Variants in TLL1 observed in about 807,000 individuals in gnomAD.
The protein encoded by TLL1 is tolloid like 1.
Under a neutral mutation model 128.2 loss-of-function variants are expected in TLL1, and 49 were observed. The observed-to-expected ratio is 0.38, with a 90% CI of 0.30 to 0.48. The LOEUF (loss-of-function observed/expected upper bound fraction) is 0.48, where lower values mean the gene tolerates loss of function less well. TLL1 is among the 20% of genes least tolerant of loss of function. TLL1 has a pLI of 0.96. For synonymous variants in TLL1, 454 were observed against 418.8 expected, an observed-to-expected ratio of 1.08 and a Z score of -1.03; for missense variants, 1,123 against 1,242.0, an observed-to-expected ratio of 0.90 and a Z score of 1.44.
chr4:165,953,386 G>C (rs1269922765), intron 1 of TLL1, among the ~76,000 whole-genome samples: 1 of 151,976 alleles, frequency 6.6e-6, no homozygotes, highest in East Asian at 1.9e-4. Context: ...TCTGGAGTCT[G>C]ATGGACTTTG....
chr4:166,050,814 A>G lies in TLL1; in HGVS notation c.1525-4262A>G, dbSNP rs528151208. Reference sequence around the variant, plus strand: ...GGTTAAATTTATTTTAGTTGTTGCTAAATAGAAATCACTTACTTTTTCTAT... The same window carrying G: ...GGTTAAATTTATTTTAGTTGTTGCTGAATAGAAATCACTTACTTTTTCTAT... On this transcript the variant is annotated intron_variant, in intron 12 of 20. Transcript: ENST00000061240. Among the ~76,000 whole-genome samples the G allele has an allele frequency of 5.9e-5, 9 of 152,310 alleles. No individual in the cohort carries two copies. The South Asian group carries it at 1.9e-3, about 32-fold the overall frequency.
chr4:165,909,012 C>T (rs922465484), intron 1 of TLL1, among the ~76,000 whole-genome samples: 1 of 152,098 alleles, frequency 6.6e-6, no homozygotes, highest in African/African-American at 2.4e-5. Flanking sequence ...ACCTGGCCAA[C>T]ATGGTGAAAC....
chr4:165,976,311 A>G (rs1320463544), intron 1 of TLL1, among the ~76,000 whole-genome samples: 1 of 152,190 alleles, frequency 6.6e-6, no homozygotes. Flanking sequence ...GAACACTTAG[A>G]AAATATAGTT....
intron 1 of TLL1, among the ~76,000 whole-genome samples, chr4:165,934,172 G>A (rs987549714): frequency 8.4e-6 from 1 of 118,730 alleles, no homozygotes. Flanking sequence ...CTAATTTTTT[G>A]CTTTTTTTTT....
At chr4:165,903,964 G>GA (rs1472601007) in intron 1 of TLL1, among the ~76,000 whole-genome samples, 16 of 151,878 alleles carry the variant, frequency 1.1e-4, no homozygotes, top group Admixed American at 3.3e-4. Context: ...TATATTTCAG[G>GA]AAAAAATCTC....
intron 1 of TLL1, among the ~76,000 whole-genome samples, chr4:165,963,345 G>T (rs564011737): frequency 1.3e-5 from 2 of 151,952 alleles, no homozygotes; most frequent in African/African-American, 4.8e-5. Context: ...AACAAAAAAA[G>T]AAAAGAACTG....
intron 7 of TLL1, among the ~76,000 whole-genome samples, chr4:166,013,407 T>G (rs1737792432): frequency 6.6e-6 from 1 of 151,934 alleles, no homozygotes; most frequent in Admixed American, 6.6e-5. Context: ...GAAAATGCTG[T>G]TCTTTTAATG....
intron 1 of TLL1, among the ~76,000 whole-genome samples, chr4:165,929,722 A>G (rs1733430930): frequency 6.6e-6 from 1 of 152,156 alleles, no homozygotes; most frequent in East Asian, 1.9e-4. Context: ...TCTGACTTCT[A>G]TTTCTAGCCT....
chr4:165,934,756 G>T (rs1733691652), intron 1 of TLL1, among the ~76,000 whole-genome samples: 1 of 152,176 alleles, frequency 6.6e-6, no homozygotes, highest in African/African-American at 2.4e-5. Flanking sequence ...GCTCCTTAGT[G>T]GCTCCAGGAA....
In TLL1 at chr4:165,959,381, A is replaced by T. The variant is rs1734982290; in HGVS notation, c.170-30000A>T. 2.6e-5 allele frequency among the ~76,000 whole-genome samples: 4 copies of T among 152,036 alleles called. No homozygotes were observed. The South Asian group carries it at 8.3e-4, about 31-fold the overall frequency. On this transcript the variant is annotated intron_variant, in intron 1 of 20. Coordinates refer to ENST00000061240, the MANE Select transcript of TLL1 (RefSeq NM_012464.5). ...CTTCCATTTATTTGTATCCTCTTTT[A>T]TTTCATTGAGCAGTGGTTTGTAGTT...
intron 17 of TLL1, 65 bp from the exon 18 acceptor site, chr4:166,077,838 C>T: frequency 1.2e-6 from 2 of 1,608,160 alleles, no homozygotes; most frequent in Non-Finnish European, 8.5e-7. Flanking sequence ...AAATAGGCTG[C>T]TTGCTTTCTG....
intron 1 of TLL1, among the ~76,000 whole-genome samples, chr4:165,904,561 A>G (rs1732160447): frequency 6.6e-6 from 1 of 152,222 alleles, no homozygotes; most frequent in African/African-American, 2.4e-5. Flanking sequence ...CCCTTAGATA[A>G]TTCTATGATA....
intron 1 of TLL1, among the ~76,000 whole-genome samples, chr4:165,982,431 A>G (rs990841819): frequency 3.3e-5 from 5 of 151,970 alleles, no homozygotes; most frequent in African/African-American, 1.2e-4. Context: ...AAATCAATAT[A>G]TTAAGTCAAG....
chr4:166,076,207 G>T (rs1741015875), intron 17 of TLL1, among the ~76,000 whole-genome samples: 1 of 152,008 alleles, frequency 6.6e-6, no homozygotes, highest in South Asian at 2.1e-4. Context: ...AAAGTAGCTG[G>T]GACTACAGGT....
chr4:166,013,401 A>G (rs886244632), intron 7 of TLL1, among the ~76,000 whole-genome samples: 2 of 151,916 alleles, frequency 1.3e-5, no homozygotes, highest in Non-Finnish European at 2.9e-5. Context: ...AGAGCTGAAA[A>G]TGCTGTTCTT....
At chr4:165,958,520 T>A (rs1734928696) in intron 1 of TLL1, among the ~76,000 whole-genome samples, 1 of 147,572 alleles carries the variant, frequency 6.8e-6, no homozygotes, top group Admixed American at 6.8e-5. Flanking sequence ...TTTTGAGAAG[T>A]GTCTGTTCAT....
At chr4:165,879,001 T>G (rs1017617966) in intron 1 of TLL1, among the ~76,000 whole-genome samples, 5 of 142,212 alleles carry the variant, frequency 3.5e-5, no homozygotes, top group African/African-American at 1.3e-4. Flanking sequence ...GGCACAATCT[T>G]GGCTCACAGC....
At chr4:165,897,662 C>CTTTTTTTTTTTTTTTTTTTTTTT (rs951819686) in intron 1 of TLL1, among the ~76,000 whole-genome samples, 2 of 47,516 alleles carry the variant, frequency 4.2e-5, no homozygotes, top group African/African-American at 9.0e-5. Context: ...GGTAGTCCAG[C>CTTTTTTTTTTTTTTTTTTTTTTT]TTTTTTTTTT....
intron 1 of TLL1, among the ~76,000 whole-genome samples, chr4:165,956,040 CAG>C (rs949067825): frequency 7.9e-5 from 12 of 151,986 alleles, no homozygotes; most frequent in Non-Finnish European, 1.5e-4. Flanking sequence ...GGGTGTAAAA[CAG>C]GGAGTAGATA....
Sources: allele counts gnomAD v4.1 joint callset (sites outside exome capture counted in the v4.1 genomes callset), GRCh38; gene constraint gnomAD v4.1.1; transcripts MANE v1.5; gene names NCBI Gene and HGNC (gene_info 2026-07-23, HGNC 2026-07-21).